PTPRD: variants seen among roughly 807,000 people sequenced by gnomAD.
The protein encoded by PTPRD is protein tyrosine phosphatase receptor type D, also known as receptor-type tyrosine-protein phosphatase delta.
A neutral mutation model predicts 214.5 loss-of-function variants in PTPRD; 34 were observed. That is an observed-to-expected ratio of 0.16 (90% confidence interval 0.12 to 0.21). PTPRD has a LOEUF of 0.21. Ranked by LOEUF, PTPRD falls within the 10% of genes least tolerant of loss-of-function variation. PTPRD has a pLI of 1.00. For synonymous variants in PTPRD, 1,128 were observed against 845.7 expected, an observed-to-expected ratio of 1.33 and a Z score of -5.79; for missense variants, 2,545 against 2,398.7, an observed-to-expected ratio of 1.06 and a Z score of -1.27.
chr9:9,063,633 G>C (rs921175994), intron 10 of PTPRD, among the ~76,000 whole-genome samples: 2 of 152,126 alleles, frequency 1.3e-5, no homozygotes, highest in Admixed American at 6.5e-5. Flanking sequence ...CTAGCATGTA[G>C]CAGGGCTCAA....
intron 10 of PTPRD, among the ~76,000 whole-genome samples, chr9:9,079,568 T>A (rs555051523): frequency 6.6e-6 from 1 of 151,670 alleles, no homozygotes; most frequent in Non-Finnish European, 1.5e-5. Flanking sequence ...TTGAGGAACC[T>A]TCATACTGTT....
At chr9:9,683,347 A>C (rs1305573660) in intron 7 of PTPRD, among the ~76,000 whole-genome samples, 1 of 151,796 alleles carries the variant, frequency 6.6e-6, no homozygotes. Flanking sequence ...TACTGGCATC[A>C]CAGAACTTTG....
intron 36 of PTPRD, among the ~76,000 whole-genome samples, chr9:8,403,929 C>A (rs1182518275): frequency 6.6e-6 from 1 of 152,122 alleles, no homozygotes; most frequent in African/African-American, 2.4e-5. Context: ...ACAACCAAAA[C>A]CCATCACTAA....
chr9:9,448,728 C>A (rs1450162526), intron 8 of PTPRD, among the ~76,000 whole-genome samples: 1 of 151,942 alleles, frequency 6.6e-6, no homozygotes, highest in East Asian at 1.9e-4. Context: ...TCCTTTAAGA[C>A]CAGGTCAGCC....
chr9:9,619,657 T>C (rs564177510), intron 7 of PTPRD, among the ~76,000 whole-genome samples: 2 of 145,404 alleles, frequency 1.4e-5, no homozygotes, highest in Non-Finnish European at 3.0e-5. Flanking sequence ...TGTATAGAAA[T>C]ATTTTAATAT....
chr9:8,726,049 A>G (rs2154426888), intron 12 of PTPRD, among the ~76,000 whole-genome samples: 1 of 152,134 alleles, frequency 6.6e-6, no homozygotes, highest in East Asian at 1.9e-4. Context: ...ACACACACAC[A>G]CACACACACA....
rs16929719 is a variant in PTPRD, at chr9:9,541,556, C to G, written c.-237+33176G>C. On this transcript the variant is annotated intron_variant, in intron 8 of 45. Transcript: ENST00000381196. Reference sequence around the variant, plus strand: ...GCCACTGGTTTCATAGATATCTGATCTGGTATATCAGTTTAACCTTTAACA... The same window carrying G: ...GCCACTGGTTTCATAGATATCTGATGTGGTATATCAGTTTAACCTTTAACA... 3.3e-3 allele frequency among the ~76,000 whole-genome samples: 505 copies of G among 151,906 alleles called. 3 individuals are homozygous for G. Among genetic ancestry groups the G allele is most frequent in the African/African-American group, 0.012 (478 of 41,482 alleles).
rs1822632832 is a variant in PTPRD, at chr9:8,317,285, C to CT, written c.*588dup. On this transcript the variant is annotated 3_prime_UTR_variant, in exon 46 of 46. Coordinates refer to ENST00000381196, the MANE Select transcript of PTPRD (RefSeq NM_002839.4). ...AGTTATGTAACTTTTTTAAAATTCA[C>CT]TTTATCGAATGATACATTTTGTTAA... 2 of 232,040 alleles carry CT rather than the reference C, an allele frequency of 8.6e-6. No individual in the cohort carries two copies. The highest frequency in any genetic ancestry group is 4.4e-5 in the African/African-American group (2 of 45,212). The allele number at this position is 232,040 out of a possible 1,614,324, so 14.4% of individuals were successfully genotyped here.
At chr9:8,805,086 C>T (rs993924563) in intron 11 of PTPRD, among the ~76,000 whole-genome samples, 8 of 152,082 alleles carry the variant, frequency 5.3e-5, no homozygotes, top group African/African-American at 1.9e-4. Context: ...CAGATCAAAG[C>T]CATGGGATCA....
chr9:9,669,642 T>C (rs554617449), intron 7 of PTPRD, among the ~76,000 whole-genome samples: 5 of 152,316 alleles, frequency 3.3e-5, no homozygotes, highest in South Asian at 2.1e-4. Context: ...TAAAAATCTA[T>C]ATATTTGTCT....
At position 10,076,563 on chromosome 9, in the gene PTPRD, T is replaced by C. The variant is rs555161935; in HGVS notation, c.-544-42773A>G. Among the ~76,000 whole-genome samples, 7 of 152,152 alleles carry C rather than the reference T, an allele frequency of 4.6e-5. No individual in the cohort carries two copies. The South Asian group carries it at 1.2e-3, about 27-fold the overall frequency. On this transcript the variant is annotated intron_variant, in intron 3 of 45. Coordinates refer to ENST00000381196, the MANE Select transcript of PTPRD (RefSeq NM_002839.4). ...TAAATGAGAAGCCTTAACCTCACTG[T>C]TTGGTGCTTCTTGGAAAAAGCATGG...
At chr9:10,311,682 T>G (rs1454377530) in intron 3 of PTPRD, among the ~76,000 whole-genome samples, 1 of 152,052 alleles carries the variant, frequency 6.6e-6, no homozygotes, top group East Asian at 1.9e-4. Flanking sequence ...AGTTAGCATA[T>G]TTTTTCAGGT....
intron 5 of PTPRD, among the ~76,000 whole-genome samples, chr9:9,870,486 G>A (rs528686259): frequency 6.6e-6 from 1 of 151,758 alleles, no homozygotes; most frequent in Non-Finnish European, 1.5e-5. Flanking sequence ...TGCTCATAAA[G>A]TTGAGATTTT....
Position 10,223,000 on chromosome 9 carries a change from G to T in PTPRD, c.-545+117963C>A, listed in dbSNP as rs1217002796. 2.6e-5 allele frequency among the ~76,000 whole-genome samples: 4 copies of T among 152,152 alleles called. No homozygotes were observed. The South Asian group carries it at 8.3e-4, about 32-fold the overall frequency. ...CCAAGCCAGAGGGAAAGAAGTGAAA[G>T]ACAGAGAATGAAGAGTAAAAATTAG... is the stretch of plus-strand genomic sequence containing the variant. On this transcript the variant is annotated intron_variant, in intron 3 of 45. Coordinates refer to ENST00000381196, the MANE Select transcript of PTPRD (RefSeq NM_002839.4).
chr9:9,191,677 T>C (rs1473462851), intron 9 of PTPRD, among the ~76,000 whole-genome samples: 1 of 152,094 alleles, frequency 6.6e-6, no homozygotes, highest in East Asian at 1.9e-4. Flanking sequence ...TCTTTATTTA[T>C]TGCACCATTG....
chr9:9,672,410 A>G (rs915977059), intron 7 of PTPRD, among the ~76,000 whole-genome samples: 1 of 152,168 alleles, frequency 6.6e-6, no homozygotes, highest in African/African-American at 2.4e-5. Context: ...TGTTTTGAGT[A>G]TCTTATTTGA....
intron 12 of PTPRD, among the ~76,000 whole-genome samples, chr9:8,664,006 C>T (rs1019260170): frequency 6.6e-6 from 1 of 151,966 alleles, no homozygotes; most frequent in Non-Finnish European, 1.5e-5. Context: ...TTCCGGATGT[C>T]ATGGAAAAAT....
chr9:9,437,598 C>G (rs2085839242), intron 8 of PTPRD, among the ~76,000 whole-genome samples: 1 of 152,146 alleles, frequency 6.6e-6, no homozygotes. Flanking sequence ...ATTAGACTAT[C>G]ACACTTCTTG....
chr9:9,931,673 C>T (rs1361134914), intron 5 of PTPRD, among the ~76,000 whole-genome samples: 1 of 151,104 alleles, frequency 6.6e-6, no homozygotes, highest in African/African-American at 2.4e-5. Flanking sequence ...ATTGCCCAGG[C>T]GTGCTTAGGT....
Sources: allele counts gnomAD v4.1 joint callset (sites outside exome capture counted in the v4.1 genomes callset), GRCh38; gene constraint gnomAD v4.1.1; transcripts MANE v1.5; gene names NCBI Gene and HGNC (gene_info 2026-07-23, HGNC 2026-07-21).